CSMD1: variants seen among roughly 807,000 people sequenced by gnomAD.
The protein encoded by CSMD1 is CUB and sushi domain-containing protein 1.
In CSMD1, 213 loss-of-function variants were observed where a neutral mutation model predicts 417.5. The ratio of observed to expected loss-of-function variants is 0.51; its 90% CI spans 0.46 to 0.57. The LOEUF (loss-of-function observed/expected upper bound fraction) is 0.57, where lower values mean the gene tolerates loss of function less well. Ranked by LOEUF, CSMD1 falls within the 20% of genes least tolerant of loss-of-function variation. CSMD1 has a pLI of 0.00. For missense variants in CSMD1, 6,923 were observed against 4,529.7 expected (o/e 1.53, Z -15.17); for synonymous variants, 2,862 against 1,736.8 (o/e 1.65, Z -16.11).
At chr8:4,626,018 T>C (rs1585351745) in intron 2 of CSMD1, among the ~76,000 whole-genome samples, 1 of 152,116 alleles carries the variant, frequency 6.6e-6, no homozygotes, top group East Asian at 1.9e-4. Context: ...GTCACCATGC[T>C]TGGCCAACCT....
intron 36 of CSMD1, among the ~76,000 whole-genome samples, chr8:3,186,805 T>C (rs1821789277): frequency 6.6e-6 from 1 of 152,250 alleles, no homozygotes; most frequent in Non-Finnish European, 1.5e-5. Flanking sequence ...GTACTTTTTC[T>C]GTCATCTTGG....
In CSMD1 at chr8:3,219,263, T is replaced by C; in HGVS notation, c.4664A>G (p.Glu1555Gly). The C allele has an allele frequency of 6.3e-7, 1 of 1,590,462 alleles. No individual in the cohort carries two copies. Among genetic ancestry groups the C allele is most frequent in the East Asian group, 2.3e-5 (1 of 44,120 alleles). ...ASVGLSGFAI[E>G]FKEKPREACF... ...TCAGGCAATCGCAATACCTTTAAATTCAATGGCGAACCCTGAAAGGCCCAC... is the reference window on the plus strand; with the variant it reads ...TCAGGCAATCGCAATACCTTTAAATCCAATGGCGAACCCTGAAAGGCCCAC... Residue 1555 changes from glutamate (E) to glycine (G), a missense_variant, in exon 29 of 70, where the codon GAA (glutamate) becomes GGA (glycine). Physicochemically the swap from Glu to Gly is moderately conservative, Grantham distance 98 (BLOSUM62 -2). Coordinates refer to ENST00000635120, the MANE Select transcript of CSMD1 (RefSeq NM_033225.6).
At chr8:4,284,567 T>G (rs888743315) in intron 3 of CSMD1, among the ~76,000 whole-genome samples, 3 of 152,134 alleles carry the variant, frequency 2.0e-5, no homozygotes, top group Admixed American at 6.5e-5. Context: ...CAACGTTTAT[T>G]GGGCAGTCTA....
At chr8:4,764,985 T>C (rs1812362919) in intron 1 of CSMD1, among the ~76,000 whole-genome samples, 1 of 152,088 alleles carries the variant, frequency 6.6e-6, no homozygotes, top group Non-Finnish European at 1.5e-5. Flanking sequence ...CTAGAGCTGT[T>C]TATTGAATAC....
chr8:3,148,422 G>T (rs1218408512), intron 40 of CSMD1, among the ~76,000 whole-genome samples: 3 of 152,052 alleles, frequency 2.0e-5, no homozygotes, highest in Non-Finnish European at 2.9e-5. Flanking sequence ...CAGTGCTGTG[G>T]GTATAAATTA....
chr8:4,056,140 G>C (rs1798678905), intron 3 of CSMD1, among the ~76,000 whole-genome samples: 1 of 135,770 alleles, frequency 7.4e-6, no homozygotes, highest in Non-Finnish European at 1.5e-5. Context: ...GCAATACAGT[G>C]GCACCATCTT....
chr8:3,644,729 G>A (rs980901418), intron 7 of CSMD1, among the ~76,000 whole-genome samples: 1 of 152,034 alleles, frequency 6.6e-6, no homozygotes, highest in African/African-American at 2.4e-5. Flanking sequence ...GGGCCTGTCA[G>A]GGGGGTGCAG....
chr8:3,004,271 C>G (rs1232256284), intron 52 of CSMD1, among the ~76,000 whole-genome samples: 1 of 152,114 alleles, frequency 6.6e-6, no homozygotes, highest in African/African-American at 2.4e-5. Flanking sequence ...TGACGTTTAG[C>G]TTCAGTTTAA....
chr8:4,284,422 A>C (rs988016065), intron 3 of CSMD1, among the ~76,000 whole-genome samples: 1 of 143,848 alleles, frequency 7.0e-6, no homozygotes, highest in Non-Finnish European at 1.5e-5. Flanking sequence ...AGAGACAAAC[A>C]CTGCGGGAGG....
intron 1 of CSMD1, among the ~76,000 whole-genome samples, chr8:4,994,088 T>C (rs1563951476): frequency 6.7e-6 from 1 of 149,630 alleles, no homozygotes; most frequent in Non-Finnish European, 1.5e-5. Flanking sequence ...GAAAAAGAGA[T>C]CTCTCCTGTG....
chr8:3,549,480 G>A (rs1014499137), intron 10 of CSMD1, among the ~76,000 whole-genome samples: 2 of 152,226 alleles, frequency 1.3e-5, no homozygotes, highest in African/African-American at 4.8e-5. Context: ...AGCAGTGAGA[G>A]ATGGGACCAT....
chr8:3,598,770 G>C (rs1171696782), intron 8 of CSMD1, among the ~76,000 whole-genome samples: 1 of 152,112 alleles, frequency 6.6e-6, no homozygotes, highest in Non-Finnish European at 1.5e-5. Flanking sequence ...TTTGAGAACA[G>C]CAGATACAAA....
intron 3 of CSMD1, among the ~76,000 whole-genome samples, chr8:4,099,386 T>C (rs1033233997): frequency 6.6e-6 from 1 of 152,120 alleles, no homozygotes. Context: ...CCTCACCTCC[T>C]ATCGCTTACC....
intron 32 of CSMD1, among the ~76,000 whole-genome samples, chr8:3,200,579 A>ATAC (rs1796942291): frequency 6.6e-6 from 1 of 150,904 alleles, no homozygotes; most frequent in African/African-American, 2.4e-5. Flanking sequence ...AATAATAATA[A>ATAC]TAATAAAATA....
Position 4,358,925 on chromosome 8 carries a change from G to A in CSMD1, c.415+61028C>T, listed in dbSNP as rs972024770. On this transcript the variant is annotated intron_variant, in intron 3 of 69. Coordinates refer to ENST00000635120, the MANE Select transcript of CSMD1 (RefSeq NM_033225.6). The stretch of plus-strand genomic sequence containing the variant: ...ACAGTGAACCTTTATTAAAAAAACT[G>A]AATAATTAGTACATTCAGTACTACA... 2.6e-5 allele frequency among the ~76,000 whole-genome samples: 4 copies of A among 151,978 alleles called. No homozygotes were observed. The East Asian group carries it at 7.7e-4, about 29-fold the overall frequency.
intron 51 of CSMD1, among the ~76,000 whole-genome samples, chr8:3,020,273 G>A (rs1021566153): frequency 6.6e-6 from 1 of 152,170 alleles, no homozygotes; most frequent in South Asian, 2.1e-4. Context: ...TATAAATCAG[G>A]ACCTATTTAG....
chr8:3,315,702 C>CT (rs1805705864), intron 23 of CSMD1, among the ~76,000 whole-genome samples: 4 of 152,048 alleles, frequency 2.6e-5, no homozygotes, highest in Admixed American at 2.6e-4. Context: ...GAAATGTAAA[C>CT]TTCTGAACTT....
At position 4,249,414 on chromosome 8, in the gene CSMD1, T is replaced by C. The variant is rs140077443; in HGVS notation, c.415+170539A>G. On this transcript the variant is annotated intron_variant, in intron 3 of 69. Transcript: ENST00000635120. ...AAACAACTTTTGCAAAGTAAACTAA[T>C]AGTGTTAGTGAAAAAGGATCCTATA... Among the ~76,000 whole-genome samples, 1,036 of 152,266 alleles carry C rather than the reference T, an allele frequency of 6.8e-3. 7 individuals are homozygous for C. Among genetic ancestry groups the C allele is most frequent in the Middle Eastern group, 0.024 (7 of 294 alleles).
chr8:4,560,168 C>T (rs187502263), intron 2 of CSMD1, among the ~76,000 whole-genome samples: 1 of 152,344 alleles, frequency 6.6e-6, no homozygotes, highest in Non-Finnish European at 1.5e-5. Flanking sequence ...GCGCTCATCT[C>T]ACCGCACTTT....
Sources: allele counts gnomAD v4.1 joint callset (sites outside exome capture counted in the v4.1 genomes callset), GRCh38; gene constraint gnomAD v4.1.1; transcripts MANE v1.5; gene names NCBI Gene and HGNC (gene_info 2026-07-23, HGNC 2026-07-21).